The following NAV3 variants were observed in gnomAD, a reference collection of about 807,000 sequenced individuals.
NAV3 encodes the protein pore membrane and/or filament interacting like protein 1.
A neutral mutation model predicts 244.7 loss-of-function variants in NAV3; 87 were observed. The observed-to-expected ratio is 0.36, with a 90% CI of 0.30 to 0.42. The LOEUF (loss-of-function observed/expected upper bound fraction) is 0.42, where lower values mean the gene tolerates loss of function less well. Ranked by LOEUF, NAV3 falls within the 20% of genes least tolerant of loss-of-function variation. The pLI is 1.00. For missense variants in NAV3, 2,663 were observed against 2,893.3 expected (o/e 0.92, Z 1.83); for synonymous variants, 1,126 against 1,042.2 (o/e 1.08, Z -1.55).
chr12:78,030,005 T>G (rs2136942461), intron 9 of NAV3, among the ~76,000 whole-genome samples: 1 of 152,246 alleles, frequency 6.6e-6, no homozygotes, highest in East Asian at 1.9e-4. Flanking sequence ...GCAAAAAATT[T>G]TTAAAAATGT....
chr12:77,629,341 T>C (rs1871783128), intron 2 of NAV3, among the ~76,000 whole-genome samples: 1 of 152,232 alleles, frequency 6.6e-6, no homozygotes, highest in African/African-American at 2.4e-5. Context: ...CTGAATTAAT[T>C]ATACAAACAG....
chr12:77,977,528 A>G (rs1043577067), intron 5 of NAV3, among the ~76,000 whole-genome samples: 5 of 152,164 alleles, frequency 3.3e-5, no homozygotes, highest in Non-Finnish European at 5.9e-5. Flanking sequence ...TCCATCCACT[A>G]ACAATTTCCA....
chr12:77,909,218 T>G (rs1886322952), intron 1 of NAV3, among the ~76,000 whole-genome samples: 1 of 152,112 alleles, frequency 6.6e-6, no homozygotes, highest in South Asian at 2.1e-4. Context: ...AGATGATAAT[T>G]TTTTCAACAG....
chr12:77,652,385 T>G (rs577362632), intron 2 of NAV3, among the ~76,000 whole-genome samples: 2 of 152,342 alleles, frequency 1.3e-5, no homozygotes, highest in South Asian at 2.1e-4. Flanking sequence ...TTTCTCTTTA[T>G]TGTACTACTT....
At chr12:78,030,484 A>G (rs1422016060) in intron 9 of NAV3, among the ~76,000 whole-genome samples, 1 of 152,214 alleles carries the variant, frequency 6.6e-6, no homozygotes, top group Non-Finnish European at 1.5e-5. Context: ...GCAATTATTT[A>G]GCGATTATTT....
intron 1 of NAV3, among the ~76,000 whole-genome samples, chr12:77,917,969 T>C (rs890269623): frequency 1.3e-5 from 2 of 152,082 alleles, no homozygotes; most frequent in Non-Finnish European, 2.9e-5. Flanking sequence ...AAAAATGGAA[T>C]GGCATTTTAA....
At chr12:77,701,037 A>G (rs1010504695) in intron 2 of NAV3, among the ~76,000 whole-genome samples, 2 of 151,648 alleles carry the variant, frequency 1.3e-5, no homozygotes, top group Admixed American at 1.3e-4. Flanking sequence ...TATTTTTTGC[A>G]TGTGAGGTTT....
At chr12:78,096,947 A>C (rs1954285078) in intron 12 of NAV3, among the ~76,000 whole-genome samples, 2 of 151,884 alleles carry the variant, frequency 1.3e-5, no homozygotes, top group African/African-American at 2.4e-5. Context: ...GCATGCACTC[A>C]CTCTAGTTTG....
At chr12:78,075,314 T>C (rs987777764) in intron 12 of NAV3, among the ~76,000 whole-genome samples, 26 of 152,340 alleles carry the variant, frequency 1.7e-4, no homozygotes, top group African/African-American at 5.1e-4. Flanking sequence ...GAAAGTTAGC[T>C]GTCCTGGCCT....
rs573417151 is a variant in NAV3, at chr12:77,940,984, G to C, written c.362-97G>C. On this transcript the variant is annotated intron_variant, in intron 2 of 39. Transcript: ENST00000397909. ...ATATGTAGCAGGAGCATTTTTGCTT[G>C]GTATTTTTTTTTTCCTGTTTTCGTG... is the stretch of plus-strand genomic sequence containing the variant. 6 of 792,968 alleles carry C rather than the reference G, an allele frequency of 7.6e-6. No individual in the cohort carries two copies. In the African/African-American group the frequency reaches 8.8e-5, roughly 12 times the overall value. 49.1% of individuals were successfully genotyped at this position (792,968 alleles called of 1,614,324 possible).
At chr12:78,036,974 G>T in intron 9 of NAV3, 1 of 703,016 alleles carries the variant, frequency 1.4e-6, no homozygotes, top group Non-Finnish European at 2.6e-6. Context: ...CCAGTGATGG[G>T]GAGAGGAGAC....
intron 2 of NAV3, among the ~76,000 whole-genome samples, chr12:77,655,407 A>G (rs1873047402): frequency 6.6e-6 from 1 of 152,200 alleles, no homozygotes; most frequent in Non-Finnish European, 1.5e-5. Flanking sequence ...GTTTAGAGAA[A>G]AAAGAATAAA....
intron 21 of NAV3, among the ~76,000 whole-genome samples, chr12:78,146,824 T>C (rs1006150371): frequency 3.1e-4 from 47 of 152,150 alleles, no homozygotes; most frequent in Non-Finnish European, 3.7e-4. Context: ...GTCATTATCT[T>C]GTTGCCTCTA....
chr12:77,723,167 G>T (rs532086196), intron 2 of NAV3, among the ~76,000 whole-genome samples: 1 of 151,998 alleles, frequency 6.6e-6, no homozygotes, highest in African/African-American at 2.4e-5. Context: ...TCTCCATGTA[G>T]AAGTGACAAT....
chr12:78,044,824 T>G (rs1449003521), intron 9 of NAV3, among the ~76,000 whole-genome samples: 1 of 152,168 alleles, frequency 6.6e-6, no homozygotes, highest in Non-Finnish European at 1.5e-5. Flanking sequence ...CTTAAGGAGT[T>G]TTTGGCTGAG....
intron 2 of NAV3, among the ~76,000 whole-genome samples, chr12:77,802,473 A>G (rs1187903580): frequency 6.6e-6 from 1 of 152,226 alleles, no homozygotes; most frequent in Non-Finnish European, 1.5e-5. Context: ...GACTTTTAGG[A>G]AGGAAAGACA....
chr12:77,841,805 T>G (rs1177499088), intron 1 of NAV3, among the ~76,000 whole-genome samples: 1 of 152,150 alleles, frequency 6.6e-6, no homozygotes, highest in Non-Finnish European at 1.5e-5. Context: ...CAGTATATGG[T>G]TTCATCATCT....
chr12:77,653,222 G>A lies in NAV3; in HGVS notation c.72+80956G>A, dbSNP rs117659515. Among the ~76,000 whole-genome samples, 1,072 of 152,278 alleles carry A rather than the reference G, an allele frequency of 7.0e-3. 11 individuals carry two copies. The highest frequency in any genetic ancestry group is 7.2e-3 in the Non-Finnish European group (489 of 68,016). On this transcript the variant is annotated intron_variant, in intron 2 of 8. Transcript: ENST00000550042. ...GTAGACTTACGTAAGCACCTGCTTT[G>A]GCTGTTCAAGAGCAGAACCTGTCCC... is the stretch of plus-strand genomic sequence containing the variant.
intron 5 of NAV3, among the ~76,000 whole-genome samples, chr12:77,992,231 A>G (rs1871571025): frequency 6.6e-6 from 1 of 152,176 alleles, no homozygotes; most frequent in South Asian, 2.1e-4. Flanking sequence ...CTGAAGTATG[A>G]ATTAGATAAG....
Sources: gnomAD v4.1 joint callset for allele counts (sites outside exome capture counted in the v4.1 genomes callset) on GRCh38, gnomAD v4.1.1 for gene constraint, MANE v1.5 for transcripts, NCBI Gene and HGNC (gene_info 2026-07-23, HGNC 2026-07-21) for gene names.